Variants in RBMS1 observed in about 807,000 individuals in gnomAD.
RBMS1 encodes the protein RNA binding motif single stranded interacting protein 1.
RBMS1 carries 17 observed loss-of-function variants against 62.3 expected under a neutral mutation model. The ratio of observed to expected loss-of-function variants is 0.27; its 90% CI spans 0.19 to 0.41. The LOEUF (loss-of-function observed/expected upper bound fraction) is 0.41. Ranked by LOEUF, RBMS1 falls within the 10% of genes least tolerant of loss-of-function variation. The pLI is 1.00. For synonymous variants in RBMS1, 172 were observed against 170.0 expected, an observed-to-expected ratio of 1.01 and a Z score of -0.09; for missense variants, 334 against 504.5, an observed-to-expected ratio of 0.66 and a Z score of 3.24.
intron 2 of RBMS1, among the ~76,000 whole-genome samples, chr2:160,365,394 A>C (rs1332527117): frequency 6.6e-6 from 1 of 152,234 alleles, no homozygotes; most frequent in African/African-American, 2.4e-5. Context: ...GCTATTGATA[A>C]TAGCAAGGAG....
At chr2:160,391,969 A>AT (rs1400113628) in intron 1 of RBMS1, among the ~76,000 whole-genome samples, 3 of 152,208 alleles carry the variant, frequency 2.0e-5, no homozygotes, top group Non-Finnish European at 4.4e-5. Context: ...CCAAAAAAAA[A>AT]AACCAAATTA....
chr2:160,452,392 C>CAA (rs1684028817), intron 1 of RBMS1, among the ~76,000 whole-genome samples: 2 of 152,102 alleles, frequency 1.3e-5, no homozygotes, highest in Non-Finnish European at 2.9e-5. Context: ...TATAAAATGA[C>CAA]AAAGTATTTG....
At chr2:160,296,771 A>G (rs904257092) in intron 6 of RBMS1, among the ~76,000 whole-genome samples, 1 of 152,210 alleles carries the variant, frequency 6.6e-6, no homozygotes, top group African/African-American at 2.4e-5. Flanking sequence ...CAGTGTGTAC[A>G]TATTTTTGCA....
At chr2:160,290,671 AG>A (rs1202723019) in intron 6 of RBMS1, among the ~76,000 whole-genome samples, 4 of 152,218 alleles carry the variant, frequency 2.6e-5, no homozygotes, top group African/African-American at 9.6e-5. Flanking sequence ...CAGAACCAAC[AG>A]GAACATGCAT....
intron 1 of RBMS1, among the ~76,000 whole-genome samples, chr2:160,447,936 A>G (rs568023973): frequency 1.0e-3 from 157 of 152,244 alleles, no homozygotes; most frequent in African/African-American, 3.7e-3. Flanking sequence ...AATCCTTAGC[A>G]CTCAGCACTC....
intron 2 of RBMS1, among the ~76,000 whole-genome samples, chr2:160,347,544 A>AG (rs148048440): frequency 0.011 from 1,645 of 152,272 alleles, 39 homozygotes; most frequent in African/African-American, 0.035. Context: ...TATTCTAAGC[A>AG]AATGGTGGTG....
At chr2:160,277,173 A>T in intron 12 of RBMS1, 130 bp downstream of exon 12, 1 of 810,108 alleles carries the variant, frequency 1.2e-6, no homozygotes, top group Non-Finnish European at 2.0e-6. Flanking sequence ...GGCATGACCC[A>T]CCACATCTGG....
At chr2:160,325,641 T>C (rs1473624817) in intron 2 of RBMS1, among the ~76,000 whole-genome samples, 3 of 152,170 alleles carry the variant, frequency 2.0e-5, no homozygotes, top group African/African-American at 7.2e-5. Context: ...AGTGGTTGGA[T>C]AGGGGAAGGA....
chr2:160,288,797 G>T (rs1201100828), intron 6 of RBMS1, among the ~76,000 whole-genome samples: 2 of 152,152 alleles, frequency 1.3e-5, no homozygotes, highest in Non-Finnish European at 2.9e-5. Flanking sequence ...GAGGGTTTAT[G>T]AAAACTAGGT....
intron 2 of RBMS1, among the ~76,000 whole-genome samples, chr2:160,363,017 CAA>C (rs1394959167): frequency 6.6e-6 from 1 of 152,140 alleles, no homozygotes; most frequent in Admixed American, 6.5e-5. Flanking sequence ...ATGGAAGAAA[CAA>C]GAGATACTAA....
rs549831326 is a variant in RBMS1, at chr2:160,451,726, A to G, written c.75+41563T>C. Among the ~76,000 whole-genome samples the G allele has an allele frequency of 6.4e-4, 97 of 152,092 alleles. 2 individuals carry two copies. The highest frequency in any genetic ancestry group is 4.4e-5 in the Non-Finnish European group (3 of 68,002). ...TGGGCTCAAGCAATTCTCCTGCCTC[A>G]GCCACCCGAGTAGCTGGGATTACAG... On this transcript the variant is annotated intron_variant, in intron 1 of 13. Transcript: ENST00000348849.
intron 1 of RBMS1, among the ~76,000 whole-genome samples, chr2:160,411,926 T>C (rs1696055929): frequency 6.6e-6 from 1 of 152,224 alleles, no homozygotes; most frequent in African/African-American, 2.4e-5. Flanking sequence ...TAAGGTTGTG[T>C]ATACTGCAGA....
intron 2 of RBMS1, among the ~76,000 whole-genome samples, chr2:160,330,614 A>T (rs1399773216): frequency 6.8e-6 from 1 of 146,196 alleles, no homozygotes; most frequent in Non-Finnish European, 1.5e-5. Context: ...TCACATGAAA[A>T]TATGTTTTTT....
chr2:160,448,662 C>T (rs186406113), intron 1 of RBMS1, among the ~76,000 whole-genome samples: 2 of 152,326 alleles, frequency 1.3e-5, no homozygotes, highest in African/African-American at 2.4e-5. Flanking sequence ...ACCTCCCAGC[C>T]GCCTGCCTTG....
chr2:160,372,927 C>T lies in RBMS1; in HGVS notation c.76-5536G>A, dbSNP rs61390150. ...ATTAATGAAGAGTAAGGCCCCTTTA[C>T]ACAGCCAGTGTGTCTCACTTATACA... On this transcript the variant is annotated intron_variant, in intron 1 of 13. Coordinates refer to ENST00000348849, the MANE Select transcript of RBMS1 (RefSeq NM_016836.4). Among the ~76,000 whole-genome samples the T allele has an allele frequency of 2.7e-3, 416 of 152,158 alleles. 15 individuals are homozygous for T. The East Asian group carries it at 0.063, about 23-fold the overall frequency.
intron 2 of RBMS1, among the ~76,000 whole-genome samples, chr2:160,362,424 G>C (rs924286579): frequency 6.6e-6 from 1 of 152,122 alleles, no homozygotes; most frequent in African/African-American, 2.4e-5. Flanking sequence ...CCTTTCACTT[G>C]AACACTTGGA....
intron 1 of RBMS1, among the ~76,000 whole-genome samples, chr2:160,426,277 GA>G (rs758663165): frequency 1.8e-4 from 20 of 113,800 alleles, no homozygotes; most frequent in Admixed American, 3.0e-4. Flanking sequence ...AAGAAAGAAA[GA>G]AAGAAAGAAA....
chr2:160,352,125 GA>G (rs1692550060), intron 2 of RBMS1, among the ~76,000 whole-genome samples: 1 of 152,096 alleles, frequency 6.6e-6, no homozygotes, highest in African/African-American at 2.4e-5. Context: ...ACAACATTAC[GA>G]AATTGAGTAT....
intron 1 of RBMS1, among the ~76,000 whole-genome samples, chr2:160,426,964 G>A (rs966665899): frequency 6.6e-6 from 1 of 152,214 alleles, no homozygotes; most frequent in Admixed American, 6.5e-5. Flanking sequence ...ACCAAAGTAA[G>A]GCCGGAAACG....
Sources: allele counts gnomAD v4.1 joint callset (sites outside exome capture counted in the v4.1 genomes callset), GRCh38; gene constraint gnomAD v4.1.1; transcripts MANE v1.5; gene names NCBI Gene and HGNC (gene_info 2026-07-23, HGNC 2026-07-21).